SAR1A: variants seen among roughly 807,000 people sequenced by gnomAD.
SAR1A encodes the protein small COPII coat GTPase SAR1A.
Under a neutral mutation model 22.6 loss-of-function variants are expected in SAR1A, and 6 were observed. That is an observed-to-expected ratio of 0.27 (90% CI 0.15 to 0.52). The LOEUF (loss-of-function observed/expected upper bound fraction) is 0.52. Ranked by LOEUF, SAR1A falls within the 20% of genes least tolerant of loss-of-function variation. SAR1A has a pLI of 0.96. For synonymous variants in SAR1A, 70 were observed against 82.2 expected, an observed-to-expected ratio of 0.85 and a Z score of 0.80; for missense variants, 145 against 245.1, an observed-to-expected ratio of 0.59 and a Z score of 2.73.
At chr10:70,162,016 G>C in intron 1 of SAR1A, 85 bp from the exon 2 acceptor site, 1 of 966,650 alleles carries the variant, frequency 1.0e-6, no homozygotes, top group South Asian at 1.4e-5. Context: ...CCCTAGCCAT[G>C]ATGCACATTT....
intron 1 of SAR1A, among the ~76,000 whole-genome samples, chr10:70,164,631 C>T (rs1263660405): frequency 1.3e-5 from 2 of 152,182 alleles, no homozygotes; most frequent in Non-Finnish European, 2.9e-5. Flanking sequence ...TTTACTGTTA[C>T]TTGCTTTTTA....
At chr10:70,164,885 G>A (rs1031436848) in intron 1 of SAR1A, among the ~76,000 whole-genome samples, 14 of 152,192 alleles carry the variant, frequency 9.2e-5, no homozygotes, top group African/African-American at 3.4e-4. Flanking sequence ...AACGCACCTG[G>A]TCACCCATGG....
intron 5 of SAR1A, among the ~76,000 whole-genome samples, chr10:70,156,023 T>A (rs1403284088): frequency 6.6e-6 from 1 of 152,152 alleles, no homozygotes; most frequent in Non-Finnish European, 1.5e-5. Context: ...ATGGTAGGAT[T>A]TATATTAATT....
At position 70,151,043 on chromosome 10, in the gene SAR1A, A is replaced by G. The variant is rs1327653493; in HGVS notation, c.*1433T>C. 1 of 152,158 alleles carries G rather than the reference A, an allele frequency of 6.6e-6. No homozygotes were observed. The highest frequency in any genetic ancestry group is 6.6e-5 in the Admixed American group (1 of 15,258). The allele number at this position is 152,158 out of a possible 1,614,324, so 9.4% of individuals were successfully genotyped here. On this transcript the variant is annotated 3_prime_UTR_variant, in exon 7 of 7. Transcript: ENST00000373241. ...ATCTTTTATTATAAGGGTAGAATAT[A>G]GATTAAGATCATCAAAATCCAATTT... is the stretch of plus-strand genomic sequence containing the variant.
chr10:70,155,535 G>A (rs1839377347), intron 5 of SAR1A, among the ~76,000 whole-genome samples: 1 of 152,052 alleles, frequency 6.6e-6, no homozygotes, highest in Admixed American at 6.5e-5. Context: ...CTAATGCTTT[G>A]CTAGGTGCAG....
intron 5 of SAR1A, chr10:70,155,243 AG>A: frequency 2.5e-6 from 1 of 401,176 alleles, no homozygotes; most frequent in South Asian, 1.9e-5. Flanking sequence ...CTTAAGGTAG[AG>A]CATTCAATGA....
chr10:70,170,027 G>A (rs1251565113), intron 1 of SAR1A, among the ~76,000 whole-genome samples: 2 of 152,030 alleles, frequency 1.3e-5, no homozygotes, highest in East Asian at 3.9e-4. Flanking sequence ...CTCAGTCTCC[G>A]AGTCTACAAA....
At chr10:70,154,708 A>G (rs1436440628) in intron 5 of SAR1A, among the ~76,000 whole-genome samples, 1 of 152,092 alleles carries the variant, frequency 6.6e-6, no homozygotes. Flanking sequence ...TAATCTGCCA[A>G]CCTCAGCATC....
At chr10:70,166,634 T>C (rs1245150588) in intron 1 of SAR1A, 1 of 152,116 alleles carries the variant, frequency 6.6e-6, no homozygotes, top group Admixed American at 6.5e-5. Context: ...AGAGAATCTT[T>C]TCATACATGA....
Position 70,170,451 on chromosome 10 carries a change from G to T in SAR1A, c.-55C>A, listed in dbSNP as rs1272207369. 6.6e-6 allele frequency: 1 copy of T among 152,044 alleles called. No homozygotes were observed. The highest frequency in any genetic ancestry group is 2.4e-5 in the African/African-American group (1 of 41,334). 9.4% of individuals were successfully genotyped at this position (152,044 alleles called of 1,614,324 possible). ...CCTCCGGCAAAACAGCGGCTGGCTC[G>T]GACCCTCCCTCAGAGCACACTAACC... On this transcript the variant is annotated 5_prime_UTR_variant, in exon 1 of 7. Transcript: ENST00000373241.
rs1839301626 is a variant in SAR1A, at chr10:70,149,512, T to TTC, written c.*2962_*2963dup. On this transcript the variant is annotated 3_prime_UTR_variant, in exon 7 of 7. Coordinates refer to ENST00000373241, the MANE Select transcript of SAR1A (RefSeq NM_020150.5). ...CTACAAGCCTAGTAAAGGAAATTCT[T>TTC]TCTTTCTCATTTTGCCAAATGTAGC... The TTC allele has an allele frequency of 2.0e-5, 3 of 151,448 alleles. No homozygotes were observed. In the South Asian group the frequency reaches 6.3e-4, roughly 32 times the overall value. 9.4% of individuals were successfully genotyped at this position (151,448 alleles called of 1,614,324 possible). A position where few individuals can be genotyped will look rare whatever the true frequency, so the allele number is the denominator to read the frequency against.
chr10:70,148,794 C>A lies in SAR1A; in HGVS notation c.*3682G>T, dbSNP rs1234953064. On this transcript the variant is annotated 3_prime_UTR_variant, in exon 7 of 7. Coordinates refer to ENST00000373241, the MANE Select transcript of SAR1A (RefSeq NM_020150.5). ...GACAGAGTGAGACCAACTCAAAAAA[C>A]AAACAAACAAACAAACAAACAAACT... 1 of 142,368 alleles carries A rather than the reference C, an allele frequency of 7.0e-6. No homozygotes were observed. Among genetic ancestry groups the A allele is most frequent in the Non-Finnish European group, 1.5e-5 (1 of 68,162 alleles). The allele number at this position is 142,368 out of a possible 1,614,324, so 8.8% of individuals were successfully genotyped here. A position where few individuals can be genotyped will look rare whatever the true frequency, so the allele number is the denominator to read the frequency against.
rs1230218085 is a variant in SAR1A, at chr10:70,147,673, C to T, written c.*4803G>A. ...AGCAGGCCCGATTTGACCCACAAGG[C>T]ATAGTTTACCATCTCTAGTGTACAC... On this transcript the variant is annotated 3_prime_UTR_variant, in exon 7 of 7. Transcript: ENST00000373241. The T allele has an allele frequency of 6.6e-6, 1 of 152,202 alleles. No homozygotes were observed. Among genetic ancestry groups the T allele is most frequent in the Non-Finnish European group, 1.5e-5 (1 of 68,042 alleles). The allele number at this position is 152,202 out of a possible 1,614,324, so 9.4% of individuals were successfully genotyped here. A position where few individuals can be genotyped will look rare whatever the true frequency, so the allele number is the denominator to read the frequency against.
intron 1 of SAR1A, among the ~76,000 whole-genome samples, chr10:70,165,524 T>C (rs777178196): frequency 6.6e-6 from 1 of 152,138 alleles, no homozygotes; most frequent in Non-Finnish European, 1.5e-5. Context: ...ACCTTAGATG[T>C]GGTAGAAACA....
chr10:70,160,695 G>C (rs539682555), intron 4 of SAR1A, among the ~76,000 whole-genome samples: 1 of 152,270 alleles, frequency 6.6e-6, no homozygotes, highest in African/African-American at 2.4e-5. Context: ...GTCAAGATTT[G>C]AGTTGAGTTT....
intron 5 of SAR1A, among the ~76,000 whole-genome samples, chr10:70,157,427 A>C (rs1047441123): frequency 7.8e-6 from 1 of 128,672 alleles, no homozygotes; most frequent in African/African-American, 2.8e-5. Context: ...AAAAAAAAAA[A>C]AACAGAATTA....
intron 3 of SAR1A, 39 bp downstream of exon 3, chr10:70,161,580 T>C: frequency 6.2e-7 from 1 of 1,610,434 alleles, no homozygotes; most frequent in East Asian, 2.2e-5. Flanking sequence ...AACACTGACC[T>C]TTAAAGATCA....
At chr10:70,153,455 A>G (rs1408666809) in intron 6 of SAR1A, among the ~76,000 whole-genome samples, 1 of 152,244 alleles carries the variant, frequency 6.6e-6, no homozygotes, top group African/African-American at 2.4e-5. Flanking sequence ...TTTGATTTCA[A>G]TGCTTGGAAA....
chr10:70,164,861 T>C (rs1395983377), intron 1 of SAR1A, among the ~76,000 whole-genome samples: 1 of 152,214 alleles, frequency 6.6e-6, no homozygotes, highest in Non-Finnish European at 1.5e-5. Context: ...TTGAAGATAT[T>C]ACTGCTCATT....
Sources: gnomAD v4.1 joint callset for allele counts (sites outside exome capture counted in the v4.1 genomes callset) on GRCh38, gnomAD v4.1.1 for gene constraint, MANE v1.5 for transcripts, NCBI Gene and HGNC (gene_info 2026-07-23, HGNC 2026-07-21) for gene names.